The following RBM19 variants were observed in gnomAD, a reference collection of about 807,000 sequenced individuals.
RBM19 encodes RNA binding motif protein 19.
In RBM19, 94 loss-of-function variants were observed where a neutral mutation model predicts 116.8. That is an observed-to-expected ratio of 0.80 (90% CI 0.68 to 0.95). RBM19 has a LOEUF of 0.95. Among genes scored for constraint, RBM19 ranks in the 40% least tolerant of loss-of-function variants. The probability of loss-of-function intolerance (pLI) is 0.00; values close to 1 mark genes in which losing one functional copy is unlikely to be tolerated. For synonymous variants in RBM19, 475 were observed against 494.1 expected (o/e 0.96, Z 0.51); for missense variants, 1,161 against 1,220.7 (o/e 0.95, Z 0.73).
intron 17 of RBM19, among the ~76,000 whole-genome samples, chr12:113,925,238 CAG>C (rs1868962531): frequency 6.6e-6 from 1 of 152,192 alleles, no homozygotes; most frequent in Non-Finnish European, 1.5e-5. Context: ...GCTACGTCTT[CAG>C]CACTACACAC....
intron 7 of RBM19, among the ~76,000 whole-genome samples, chr12:113,953,460 C>T (rs926512020): frequency 1.3e-5 from 2 of 152,176 alleles, no homozygotes; most frequent in African/African-American, 4.8e-5. Flanking sequence ...TGTACTCCAG[C>T]CTGGGAGATA....
chr12:113,842,323 G>A (rs748527972), intron 23 of RBM19, among the ~76,000 whole-genome samples: 5 of 152,230 alleles, frequency 3.3e-5, no homozygotes, highest in Non-Finnish European at 7.3e-5. Flanking sequence ...ATGGGCCCCC[G>A]TCTCCACTCC....
At chr12:113,925,974 G>A (rs763198661) in intron 17 of RBM19, among the ~76,000 whole-genome samples, 2 of 152,180 alleles carry the variant, frequency 1.3e-5, no homozygotes, top group Admixed American at 6.5e-5. Flanking sequence ...CCAGGAAATA[G>A]CCAAAGACAA....
At chr12:113,939,476 G>A (rs1202023800) in intron 15 of RBM19, among the ~76,000 whole-genome samples, 5 of 151,312 alleles carry the variant, frequency 3.3e-5, no homozygotes, top group Admixed American at 6.6e-5. Context: ...CCGGCCCGGC[G>A]CAGTGGCTCA....
At chr12:113,835,547 G>C (rs909843901) in intron 23 of RBM19, among the ~76,000 whole-genome samples, 1 of 152,230 alleles carries the variant, frequency 6.6e-6, no homozygotes, top group Non-Finnish European at 1.5e-5. Flanking sequence ...GCCGGGGTCA[G>C]TGGGGGCTGC....
chr12:113,920,625 G>C lies in RBM19; in HGVS notation c.2371C>G (p.Leu791Val). 1 of 1,614,014 alleles carries C rather than the reference G, an allele frequency of 6.2e-7. No individual in the cohort carries two copies. The highest frequency in any genetic ancestry group is 8.5e-7 in the Non-Finnish European group (1 of 1,179,954). ...YRKPEQAQKALKQLQGHVVDG... is the reference protein window; with the variant it reads ...YRKPEQAQKAVKQLQGHVVDG... Reference sequence around the variant, plus strand: ...CTTCACTTTACCTGGAGCTGCTTGAGAGCTTTCTGGGCTTGCTCCGGCTTC... The same window carrying C: ...CTTCACTTTACCTGGAGCTGCTTGACAGCTTTCTGGGCTTGCTCCGGCTTC... The change falls in exon 19 of 24, where the codon CTC becomes GTC. Residue 791 changes from leucine to valine, a missense_variant. Coordinates refer to ENST00000261741, the MANE Select transcript of RBM19 (RefSeq NM_016196.4).
At chr12:113,843,121 G>A (rs1013247387) in intron 23 of RBM19, among the ~76,000 whole-genome samples, 6 of 152,226 alleles carry the variant, frequency 3.9e-5, no homozygotes, top group Non-Finnish European at 8.8e-5. Flanking sequence ...AAGACCAGTG[G>A]CCCCACTGGA....
chr12:113,857,203 C>T (rs1877978599), intron 22 of RBM19, among the ~76,000 whole-genome samples: 1 of 152,252 alleles, frequency 6.6e-6, no homozygotes, highest in Non-Finnish European at 1.5e-5. Context: ...CTGCCCTGTA[C>T]TCTCTTCTAT....
chr12:113,828,099 C>CAAAAAAA lies in RBM19; in HGVS notation c.2786-4785_2786-4779dup, dbSNP rs34234377. On this transcript the variant is annotated intron_variant, in intron 23 of 23. Coordinates refer to ENST00000261741, the MANE Select transcript of RBM19 (RefSeq NM_016196.4). ...GCAACAGCAGCTCTCGACTCTGTCT[C>CAAAAAAA]AAAAAAAAAAAAAAAAAAAAAAGTG... Among the ~76,000 whole-genome samples the CAAAAAAA allele has an allele frequency of 3.0e-5, 2 of 67,334 alleles. 1 individual carries two copies. 44.2% of individuals were successfully genotyped at this position (67,334 alleles called of 152,430 possible).
chr12:113,826,625 G>A (rs1177690990), intron 23 of RBM19, among the ~76,000 whole-genome samples: 1 of 152,212 alleles, frequency 6.6e-6, no homozygotes, highest in East Asian at 1.9e-4. Context: ...GGTCTGGCAG[G>A]GGGAGATGGA....
At chr12:113,906,960 C>T (rs187002779) in intron 21 of RBM19, among the ~76,000 whole-genome samples, 61 of 152,114 alleles carry the variant, frequency 4.0e-4, no homozygotes, top group African/African-American at 1.3e-3. Flanking sequence ...GAGGCAGAGA[C>T]GGGACTGACA....
intron 21 of RBM19, among the ~76,000 whole-genome samples, chr12:113,901,614 T>G (rs777453162): frequency 9.2e-5 from 14 of 152,300 alleles, no homozygotes; most frequent in Non-Finnish European, 1.9e-4. Flanking sequence ...GTTCAAGTGA[T>G]TCTCCCACCT....
At chr12:113,884,711 A>C (rs1208477356) in intron 21 of RBM19, among the ~76,000 whole-genome samples, 1 of 152,218 alleles carries the variant, frequency 6.6e-6, no homozygotes, top group Non-Finnish European at 1.5e-5. Flanking sequence ...AGAAAGTACA[A>C]GATGAATCTG....
chr12:113,836,266 G>A (rs531513448), intron 23 of RBM19, among the ~76,000 whole-genome samples: 1 of 152,290 alleles, frequency 6.6e-6, no homozygotes, highest in African/African-American at 2.4e-5. Flanking sequence ...GGACAGGGGA[G>A]ATGGGGAGGG....
intron 18 of RBM19, among the ~76,000 whole-genome samples, chr12:113,924,251 G>A (rs1314995717): frequency 6.6e-6 from 1 of 152,188 alleles, no homozygotes; most frequent in South Asian, 2.1e-4. Flanking sequence ...TCGGTAGAAC[G>A]TTCCAGAAGT....
At chr12:113,922,359 A>G (rs1362933311) in intron 18 of RBM19, among the ~76,000 whole-genome samples, 1 of 152,216 alleles carries the variant, frequency 6.6e-6, no homozygotes, top group Non-Finnish European at 1.5e-5. Flanking sequence ...CCAAACTGTG[A>G]CGGATGGGCC....
downstream of RBM19, among the ~76,000 whole-genome samples, chr12:113,820,220 A>G (rs1874322474): frequency 6.7e-6 from 1 of 148,962 alleles, no homozygotes; most frequent in African/African-American, 2.5e-5. Context: ...ATAAAATACA[A>G]TAACACTAGT....
intron 6 of RBM19, among the ~76,000 whole-genome samples, chr12:113,955,590 A>G (rs1238466232): frequency 6.6e-6 from 1 of 152,154 alleles, no homozygotes; most frequent in Non-Finnish European, 1.5e-5. Flanking sequence ...GATGCCAGTG[A>G]TCTACTACAT....
At chr12:113,908,677 C>A (rs886559838) in intron 21 of RBM19, among the ~76,000 whole-genome samples, 5 of 150,550 alleles carry the variant, frequency 3.3e-5, no homozygotes, top group Non-Finnish European at 5.9e-5. Flanking sequence ...CACCAGACAT[C>A]CCTGACCCAT....
Sources: gnomAD v4.1 joint callset for allele counts (sites outside exome capture counted in the v4.1 genomes callset) on GRCh38, gnomAD v4.1.1 for gene constraint, MANE v1.5 for transcripts, NCBI Gene and HGNC (gene_info 2026-07-23, HGNC 2026-07-21) for gene names.